The following NRG3 variants were observed in gnomAD, a reference collection of about 807,000 sequenced individuals.
The protein encoded by NRG3 is pro-neuregulin-3, membrane-bound isoform.
Under a neutral mutation model 66.9 loss-of-function variants are expected in NRG3, and 31 were observed. That is an observed-to-expected ratio of 0.46 (90% CI 0.35 to 0.63). NRG3 has a LOEUF of 0.63. NRG3 is among the 20% of genes least tolerant of loss of function. The pLI is 0.00. For synonymous variants in NRG3, 393 were observed against 359.4 expected (o/e 1.09, Z -1.06); for missense variants, 910 against 878.9 (o/e 1.04, Z -0.45).
At chr10:82,128,877 CTG>C (rs2132464601) in intron 1 of NRG3, among the ~76,000 whole-genome samples, 1 of 152,098 alleles carries the variant, frequency 6.6e-6, no homozygotes, top group Admixed American at 6.6e-5. Context: ...TAAAAGCACA[CTG>C]TGTGTATGCT....
At chr10:82,915,298 C>T (rs1845722054) in intron 4 of NRG3, among the ~76,000 whole-genome samples, 1 of 152,080 alleles carries the variant, frequency 6.6e-6, no homozygotes, top group Non-Finnish European at 1.5e-5. Context: ...TCACTTTGTT[C>T]TTTTTGGGAG....
At chr10:81,957,818 A>G (rs1189913506) in intron 1 of NRG3, among the ~76,000 whole-genome samples, 1 of 152,264 alleles carries the variant, frequency 6.6e-6, no homozygotes, top group African/African-American at 2.4e-5. Flanking sequence ...ATTTTATGGA[A>G]TAGTCTGATG....
chr10:82,187,229 C>T (rs915219225), intron 1 of NRG3, among the ~76,000 whole-genome samples: 10 of 151,880 alleles, frequency 6.6e-5, no homozygotes, highest in African/African-American at 2.2e-4. Flanking sequence ...TTACTGAGGC[C>T]GCCAACAGAG....
intron 2 of NRG3, among the ~76,000 whole-genome samples, chr10:82,511,987 T>C (rs1418459135): frequency 6.6e-6 from 1 of 152,166 alleles, no homozygotes. Flanking sequence ...TATTGTTTCA[T>C]TTTTAAGACC....
chr10:82,063,930 G>A (rs1374568367), intron 1 of NRG3, among the ~76,000 whole-genome samples: 1 of 152,168 alleles, frequency 6.6e-6, no homozygotes, highest in Non-Finnish European at 1.5e-5. Flanking sequence ...AAACGTTTTA[G>A]TTGTAGAGAG....
intron 1 of NRG3, among the ~76,000 whole-genome samples, chr10:82,199,202 TAACTC>T (rs1355321458): frequency 6.8e-5 from 10 of 147,212 alleles, no homozygotes; most frequent in African/African-American, 1.5e-4. Context: ...GAAAAAAAAA[TAACTC>T]AAGTAACAAT....
At chr10:82,442,467 G>A (rs1268299278) in intron 2 of NRG3, among the ~76,000 whole-genome samples, 1 of 152,142 alleles carries the variant, frequency 6.6e-6, no homozygotes, top group African/African-American at 2.4e-5. Flanking sequence ...GGCAAAGGAT[G>A]GGTTTAGTGA....
At chr10:82,856,756 C>CAAAAAAAAAAAAAAAAAAAAAAA (rs67224862) in intron 3 of NRG3, among the ~76,000 whole-genome samples, 7 of 107,468 alleles carry the variant, frequency 6.5e-5, no homozygotes, top group African/African-American at 1.1e-4. Flanking sequence ...AAAAAAAAAA[C>CAAAAAAAAAAAAAAAAAAAAAAA]AAAAAAAAAA....
intron 1 of NRG3, among the ~76,000 whole-genome samples, chr10:82,220,543 C>CA (rs1160690426): frequency 6.6e-6 from 1 of 152,036 alleles, no homozygotes; most frequent in Admixed American, 6.6e-5. Context: ...TGGGGGCAGG[C>CA]ATTTAGCTGA....
chr10:81,908,661 T>A (rs1844826347), intron 1 of NRG3, among the ~76,000 whole-genome samples: 1 of 152,112 alleles, frequency 6.6e-6, no homozygotes, highest in Non-Finnish European at 1.5e-5. Context: ...TATGTGGGAA[T>A]GGGAAAAAGT....
chr10:82,174,629 A>T (rs2072886971), intron 1 of NRG3, among the ~76,000 whole-genome samples: 1 of 151,948 alleles, frequency 6.6e-6, no homozygotes, highest in Non-Finnish European at 1.5e-5. Context: ...ACTGTACTTA[A>T]TTTTTCTTTC....
chr10:82,810,755 A>G (rs983733087), intron 3 of NRG3, among the ~76,000 whole-genome samples: 36 of 151,576 alleles, frequency 2.4e-4, no homozygotes, highest in East Asian at 1.2e-3. Context: ...AAAAAAAAAA[A>G]AAGAAGAAGC....
rs190461789 is a variant in NRG3 at position 82,468,242 on chromosome 10, A to G, written c.953+109374A>G. ...ACCACATCACGCTGGATTCCCCAAG[A>G]AGGAGGAGGTTAGCAGTGATGCTCC... On this transcript the variant is annotated intron_variant, in intron 2 of 8. Coordinates refer to ENST00000372141, the MANE Select transcript of NRG3 (RefSeq NM_001010848.4). 1.1e-4 allele frequency among the ~76,000 whole-genome samples: 17 copies of G among 152,328 alleles called. No individual in the cohort carries two copies. The East Asian group carries it at 3.3e-3, about 29-fold the overall frequency.
At chr10:81,977,015 A>T (rs1049024399) in intron 1 of NRG3, among the ~76,000 whole-genome samples, 3 of 152,238 alleles carry the variant, frequency 2.0e-5, no homozygotes, top group Admixed American at 2.0e-4. Context: ...AATACCCAGA[A>T]GTTTAGCACA....
At chr10:82,191,618 G>T (rs1477469533) in intron 1 of NRG3, among the ~76,000 whole-genome samples, 4 of 152,162 alleles carry the variant, frequency 2.6e-5, no homozygotes, top group African/African-American at 9.7e-5. Flanking sequence ...TGCAGTCTCA[G>T]GTGTGTATAC....
At chr10:82,009,532 C>T (rs547811947) in intron 1 of NRG3, among the ~76,000 whole-genome samples, 5 of 152,282 alleles carry the variant, frequency 3.3e-5, no homozygotes, top group African/African-American at 1.2e-4. Context: ...CTTCCCCTGC[C>T]AACCTCCTCT....
At chr10:82,968,444 C>A (rs938458126) in intron 6 of NRG3, among the ~76,000 whole-genome samples, 1 of 152,108 alleles carries the variant, frequency 6.6e-6, no homozygotes, top group South Asian at 2.1e-4. Context: ...TGTTTAATAT[C>A]GCAATAATTC....
In NRG3 at chr10:82,906,994, T is replaced by C. The variant is rs370817009; in HGVS notation, c.1054+41557T>C. Among the ~76,000 whole-genome samples, 14 of 152,312 alleles carry C rather than the reference T, an allele frequency of 9.2e-5. No individual in the cohort carries two copies. In the East Asian group the frequency reaches 2.3e-3, roughly 25 times the overall value. On this transcript the variant is annotated intron_variant, in intron 4 of 8. Coordinates refer to ENST00000372141, the MANE Select transcript of NRG3 (RefSeq NM_001010848.4). Reference sequence around the variant, plus strand: ...GGCAAAATAACAGAAGTTGAATGGGTCCTTACATCTCACTTCAGAGAAAAG... The same window carrying C: ...GGCAAAATAACAGAAGTTGAATGGGCCCTTACATCTCACTTCAGAGAAAAG...
At chr10:82,354,723 G>A (rs567607257) in intron 1 of NRG3, among the ~76,000 whole-genome samples, 2 of 151,960 alleles carry the variant, frequency 1.3e-5, no homozygotes, top group South Asian at 2.1e-4. Flanking sequence ...TTCCTATTCC[G>A]TGCCTCTGTG....
Sources: allele counts gnomAD v4.1 joint callset (sites outside exome capture counted in the v4.1 genomes callset), GRCh38; gene constraint gnomAD v4.1.1; transcripts MANE v1.5; gene names NCBI Gene and HGNC (gene_info 2026-07-23, HGNC 2026-07-21).